Variants in KIAA1958 observed in about 807,000 individuals in gnomAD.
KIAA1958 encodes the protein uncharacterized protein KIAA1958.
Under a neutral mutation model 47.2 loss-of-function variants are expected in KIAA1958, and 14 were observed. The observed-to-expected ratio is 0.30, with a 90% CI of 0.20 to 0.46. The LOEUF is 0.46. Among genes scored for constraint, KIAA1958 ranks in the 20% least tolerant of loss-of-function variants. KIAA1958 has a pLI of 1.00. For synonymous variants in KIAA1958, 354 were observed against 353.3 expected (o/e 1.00, Z -0.02); for missense variants, 803 against 909.2 (o/e 0.88, Z 1.50).
rs1433380201 is a variant in KIAA1958 at position 112,585,461 on chromosome 9, C to T, written c.1171+10210C>T. On this transcript the variant is annotated intron_variant, in intron 2 of 3. Coordinates refer to ENST00000337530, the MANE Select transcript of KIAA1958 (RefSeq NM_133465.4). ...CTCAATGGAGCCAGGAGAGTTGCTG[C>T]TGGAAAGATGGGCTGGAAAGCCACC... 2.0e-5 allele frequency among the ~76,000 whole-genome samples: 3 copies of T among 152,292 alleles called. No homozygotes were observed. In the East Asian group the frequency reaches 5.8e-4, roughly 29 times the overall value.
chr9:112,522,971 C>T lies in KIAA1958; in HGVS notation c.-25+35853C>T, dbSNP rs150768448. 3.3e-3 allele frequency among the ~76,000 whole-genome samples: 499 copies of T among 152,258 alleles called. 7 individuals carry two copies. The highest frequency in any genetic ancestry group is 0.011 in the African/African-American group (468 of 41,548). On this transcript the variant is annotated intron_variant, in intron 1 of 3. Transcript: ENST00000337530. ...GCTTTTAGAATGGATAGTGGGAGTA[C>T]TCTCAAGTTAACAGGTGTAGGTAGC...
At chr9:112,658,045 G>A (rs1032707653) in intron 3 of KIAA1958, among the ~76,000 whole-genome samples, 6 of 151,940 alleles carry the variant, frequency 3.9e-5, no homozygotes, top group Admixed American at 3.9e-4. Flanking sequence ...TAGTAGAGAT[G>A]GGGGTTTCAC....
chr9:112,496,121 T>C (rs1834048083), intron 1 of KIAA1958, among the ~76,000 whole-genome samples: 1 of 152,136 alleles, frequency 6.6e-6, no homozygotes. Flanking sequence ...AATAAGAAAT[T>C]GTTGTTTTAA....
intron 2 of KIAA1958, among the ~76,000 whole-genome samples, chr9:112,639,094 C>T (rs970894439): frequency 1.3e-5 from 2 of 152,160 alleles, no homozygotes; most frequent in Non-Finnish European, 2.9e-5. Flanking sequence ...TCCTGCATAA[C>T]CATAATATAA....
chr9:112,506,184 C>T (rs572076899), intron 1 of KIAA1958, among the ~76,000 whole-genome samples: 9 of 152,258 alleles, frequency 5.9e-5, no homozygotes, highest in Admixed American at 2.6e-4. Context: ...AGGCCAGGCG[C>T]GGTGGCTCAC....
chr9:112,550,271 G>A (rs760449982), intron 1 of KIAA1958, among the ~76,000 whole-genome samples: 1 of 152,222 alleles, frequency 6.6e-6, no homozygotes, highest in Non-Finnish European at 1.5e-5. Context: ...CACTATGGCT[G>A]AGAATAACTA....
intron 2 of KIAA1958, among the ~76,000 whole-genome samples, chr9:112,615,694 G>A (rs1045575886): frequency 6.6e-6 from 1 of 152,098 alleles, no homozygotes; most frequent in African/African-American, 2.4e-5. Context: ...TCTCATGGTA[G>A]ATTTCATCTT....
intron 2 of KIAA1958, among the ~76,000 whole-genome samples, chr9:112,633,389 G>A (rs1352960627): frequency 6.6e-6 from 1 of 151,906 alleles, no homozygotes; most frequent in Non-Finnish European, 1.5e-5. Flanking sequence ...ATAATATTGA[G>A]TCTTCCCATC....
intron 1 of KIAA1958, among the ~76,000 whole-genome samples, chr9:112,556,016 G>T (rs1835233752): frequency 6.6e-6 from 1 of 152,148 alleles, no homozygotes; most frequent in South Asian, 2.1e-4. Flanking sequence ...GACAGAGATT[G>T]CAGTGAGCCA....
chr9:112,528,528 A>G (rs767977644), intron 1 of KIAA1958, among the ~76,000 whole-genome samples: 1 of 151,852 alleles, frequency 6.6e-6, no homozygotes, highest in Non-Finnish European at 1.5e-5. Flanking sequence ...ATATGCATGT[A>G]TTTATTTATT....
intron 1 of KIAA1958, among the ~76,000 whole-genome samples, chr9:112,543,346 G>A (rs1834975168): frequency 6.6e-6 from 1 of 152,062 alleles, no homozygotes. Flanking sequence ...CATTTTATGG[G>A]CACTCAGAAG....
At chr9:112,634,034 A>G (rs1198072856) in intron 2 of KIAA1958, among the ~76,000 whole-genome samples, 1 of 152,194 alleles carries the variant, frequency 6.6e-6, no homozygotes, top group African/African-American at 2.4e-5. Context: ...GTTCAACTGT[A>G]GTAGATACTG....
At chr9:112,496,177 A>C (rs1379613536) in intron 1 of KIAA1958, among the ~76,000 whole-genome samples, 2 of 152,190 alleles carry the variant, frequency 1.3e-5, no homozygotes, top group Non-Finnish European at 2.9e-5. Context: ...TATTAAACTG[A>C]CTCAGATTGA....
rs114320502 is a variant in KIAA1958, at chr9:112,564,198, G to C, written c.-24-9859G>C. 5.0e-3 allele frequency among the ~76,000 whole-genome samples: 766 copies of C among 152,212 alleles called. 7 individuals are homozygous for C. The highest frequency in any genetic ancestry group is 0.018 in the African/African-American group (733 of 41,546). ...TCCCCCTATATTTTTGAAAATATTT[G>C]CATAATTTTTGTGTTATTTCTTCCT... On this transcript the variant is annotated intron_variant, in intron 1 of 3. Transcript: ENST00000337530.
At chr9:112,504,057 TTCTC>T (rs1429419581) in intron 1 of KIAA1958, among the ~76,000 whole-genome samples, 1 of 152,160 alleles carries the variant, frequency 6.6e-6, no homozygotes, top group African/African-American at 2.4e-5. Flanking sequence ...CTTTAGATCT[TTCTC>T]AAGTTGATTG....
chr9:112,596,315 T>C (rs1249450651), intron 2 of KIAA1958, among the ~76,000 whole-genome samples: 1 of 152,154 alleles, frequency 6.6e-6, no homozygotes, highest in East Asian at 1.9e-4. Context: ...TTTTAAAAAA[T>C]AGTACCTAAA....
intron 1 of KIAA1958, among the ~76,000 whole-genome samples, chr9:112,553,740 C>T (rs1261676539): frequency 6.6e-6 from 1 of 152,098 alleles, no homozygotes; most frequent in Non-Finnish European, 1.5e-5. Context: ...CTAATGACGT[C>T]ACTTATCACA....
At chr9:112,632,596 CTATTTTTTAATG>C (rs1346623204) in intron 2 of KIAA1958, among the ~76,000 whole-genome samples, 1 of 152,010 alleles carries the variant, frequency 6.6e-6, no homozygotes, top group Non-Finnish European at 1.5e-5. Flanking sequence ...ATTATAATGC[CTATTTTTTAATG>C]CATTTTGTTA....
intron 1 of KIAA1958, among the ~76,000 whole-genome samples, chr9:112,570,375 G>T (rs1835511235): frequency 6.6e-6 from 1 of 152,276 alleles, no homozygotes; most frequent in African/African-American, 2.4e-5. Flanking sequence ...TGCACTTTTG[G>T]CCTGTGTTTT....
Sources: allele counts gnomAD v4.1 joint callset (sites outside exome capture counted in the v4.1 genomes callset), GRCh38; gene constraint gnomAD v4.1.1; transcripts MANE v1.5; gene names NCBI Gene and HGNC (gene_info 2026-07-23, HGNC 2026-07-21).